Variants in EDEM2 observed in about 807,000 individuals in gnomAD.
EDEM2 encodes the protein ER degradation enhancing alpha-mannosidase like protein 2.
EDEM2 carries 39 observed loss-of-function variants against 64.8 expected under a neutral mutation model. That is an observed-to-expected ratio of 0.60 (90% confidence interval 0.47 to 0.79). EDEM2 has a LOEUF of 0.79. Ranked by LOEUF, EDEM2 falls within the 30% of genes least tolerant of loss-of-function variation. The probability of loss-of-function intolerance (pLI) is 0.00; values close to 1 mark genes in which losing one functional copy is unlikely to be tolerated. For missense variants in EDEM2, 609 were observed against 731.3 expected, an observed-to-expected ratio of 0.83 and a Z score of 1.93; for synonymous variants, 296 against 291.5, an observed-to-expected ratio of 1.02 and a Z score of -0.16.
chr20:35,143,049 C>A (rs1409069951), intron 3 of EDEM2, among the ~76,000 whole-genome samples: 1 of 152,232 alleles, frequency 6.6e-6, no homozygotes, highest in Admixed American at 6.5e-5. Context: ...AGCGACCGCA[C>A]CTGGCCAAAA....
At chr20:35,125,072 G>A (rs2085413654) in intron 8 of EDEM2, among the ~76,000 whole-genome samples, 1 of 152,146 alleles carries the variant, frequency 6.6e-6, no homozygotes, top group African/African-American at 2.4e-5. Context: ...AACAAACTTG[G>A]CACTTCCTAA....
chr20:35,136,070 C>T (rs2085572010), intron 5 of EDEM2, among the ~76,000 whole-genome samples: 1 of 152,148 alleles, frequency 6.6e-6, no homozygotes, highest in Non-Finnish European at 1.5e-5. Flanking sequence ...ACAAAGGTGT[C>T]GACACTTCCA....
chr20:35,127,729 T>C (rs888452303), intron 7 of EDEM2, among the ~76,000 whole-genome samples: 3 of 152,220 alleles, frequency 2.0e-5, no homozygotes, highest in Admixed American at 6.5e-5. Context: ...GTGAGGAGAA[T>C]ACGTTCCAAG....
In EDEM2 at chr20:35,146,839, G is replaced by C; in HGVS notation, c.204C>G (p.His68Gln). 6.2e-7 allele frequency: 1 copy of C among 1,613,990 alleles called. No individual in the cohort carries two copies. The highest frequency in any genetic ancestry group is 1.1e-5 in the South Asian group (1 of 91,058). ...GCTCGCACTACCTGCCCCAGGTGTC[G>C]TGCCCGTCACAGGTGAGAGGTCGCA... The part of the protein sequence containing the change: ...DELRPLTCDG[H>Q]DTWGSFSLTL... The change falls in exon 2 of 11, where the codon CAC (histidine) becomes CAG (glutamine). Residue 68 changes from histidine (H) to glutamine (Q), a missense_variant. His to Gln is a conservative substitution (Grantham distance 24, BLOSUM62 0). Coordinates refer to ENST00000374492, the MANE Select transcript of EDEM2 (RefSeq NM_018217.3).
chr20:35,122,451 T>C (rs1313738235), intron 9 of EDEM2, among the ~76,000 whole-genome samples: 1 of 152,242 alleles, frequency 6.6e-6, no homozygotes, highest in Non-Finnish European at 1.5e-5. Context: ...CTCAGCTCAC[T>C]GCAACTTCTA....
intron 2 of EDEM2, among the ~76,000 whole-genome samples, chr20:35,145,387 T>C (rs1280035362): frequency 1.3e-5 from 2 of 152,228 alleles, no homozygotes; most frequent in African/African-American, 4.8e-5. Flanking sequence ...GCAGTATTGC[T>C]TAGAACAGCA....
At chr20:35,146,030 T>C (rs976078501) in intron 2 of EDEM2, among the ~76,000 whole-genome samples, 2 of 150,346 alleles carry the variant, frequency 1.3e-5, no homozygotes, top group Admixed American at 6.6e-5. Flanking sequence ...AAAAAGAGTG[T>C]ATTTTATTAT....
chr20:35,125,585 C>T (rs2085421988), intron 8 of EDEM2, among the ~76,000 whole-genome samples: 1 of 151,906 alleles, frequency 6.6e-6, no homozygotes, highest in African/African-American at 2.4e-5. Flanking sequence ...GGGGTTTCAC[C>T]GTGTTAGCCA....
At chr20:35,138,371 AG>A (rs2085606107) in intron 4 of EDEM2, among the ~76,000 whole-genome samples, 1 of 151,758 alleles carries the variant, frequency 6.6e-6, no homozygotes, top group African/African-American at 2.4e-5. Context: ...GAAGATACTG[AG>A]GTTCCATGAG....
rs1054777708 is a variant in EDEM2, at chr20:35,115,528, G to A, written c.1642C>T (p.Pro548Ser). 2.5e-6 allele frequency: 4 copies of A among 1,614,030 alleles called. No homozygotes were observed. In the African/African-American group the frequency reaches 4.0e-5, roughly 16 times the overall value. ...ENHDQARERK[P>S]AKQKVPLLSC... ...AGAAGTGGGACCTTCTGTTTGGCAG[G>A]CTTCCTCTCCCTTGCCTGGTCATGG... Residue 548 changes from proline to serine, a missense_variant, in exon 11 of 11, where the codon CCT becomes TCT. Coordinates refer to ENST00000374492, the MANE Select transcript of EDEM2 (RefSeq NM_018217.3).
intron 7 of EDEM2, among the ~76,000 whole-genome samples, chr20:35,127,056 A>G (rs2085443546): frequency 6.6e-6 from 1 of 152,158 alleles, no homozygotes; most frequent in Non-Finnish European, 1.5e-5. Context: ...CGTTTCCCCC[A>G]TACTGTTCTC....
chr20:35,126,232 A>G lies in EDEM2; in HGVS notation c.969+19T>C, dbSNP rs2085430425. 1 of 1,609,256 alleles carries G rather than the reference A, an allele frequency of 6.2e-7. No homozygotes were observed. The highest frequency in any genetic ancestry group is 8.5e-7 in the Non-Finnish European group (1 of 1,178,750). On this transcript the variant is annotated intron_variant, in intron 8 of 10. Transcript: ENST00000374492. ...GCCAGACTCATAGAAAGATGATCAC[A>G]TTCTTTGATCATTCCTACCTGAAGA...
At chr20:35,138,775 GGT>G (rs1347114207) in intron 4 of EDEM2, among the ~76,000 whole-genome samples, 1 of 151,244 alleles carries the variant, frequency 6.6e-6, no homozygotes. Context: ...TTGTAGACAC[GGT>G]GTTTCACTGT....
intron 4 of EDEM2, among the ~76,000 whole-genome samples, chr20:35,138,745 A>T (rs187363537): frequency 2.4e-3 from 362 of 151,076 alleles, no homozygotes; most frequent in African/African-American, 8.5e-3. Flanking sequence ...ATGCCCGGCT[A>T]ATTTTTTTGG....
intron 5 of EDEM2, 109 bp downstream of exon 5, chr20:35,137,771 A>T (rs1329079385): frequency 1.5e-5 from 22 of 1,465,218 alleles, no homozygotes; most frequent in Non-Finnish European, 1.9e-5. Context: ...GACCAAATAC[A>T]CCTGGTGAGA....
rs1287459242 is a variant in EDEM2 at position 35,115,911 on chromosome 20, T to G, written c.1259A>C (p.Lys420Thr). The G allele has an allele frequency of 5.0e-6, 8 of 1,613,994 alleles. No individual in the cohort carries two copies. The highest frequency in any genetic ancestry group is 5.9e-6 in the Non-Finnish European group (7 of 1,179,912). The change falls in exon 11 of 11, where the codon AAG (lysine) becomes ACG (threonine). Residue 420 changes from lysine to threonine, a missense_variant. Coordinates refer to ENST00000374492, the MANE Select transcript of EDEM2 (RefSeq NM_018217.3). Reference protein sequence around the residue: ...FATIKDLRDHKLDNRMESFFL... With the variant: ...FATIKDLRDHTLDNRMESFFL... The stretch of plus-strand genomic sequence containing the variant: ...GAACGACTCCATGCGGTTGTCCAGC[T>G]TGTGGTCTCGCAGATCTTTGATCTG...
Position 35,126,257 on chromosome 20 carries a change from A to G in EDEM2, c.963T>C (p.Gly321=). 3 of 1,613,536 alleles carry G rather than the reference A, an allele frequency of 1.9e-6. No individual in the cohort carries two copies. The highest frequency in any genetic ancestry group is 2.5e-6 in the Non-Finnish European group (3 of 1,179,922). The part of the protein sequence containing the change: ...VFQSLEAYWP[G]LQSLIGDIDN... ...ATTCTTTGATCATTCCTACCTGAAG[A>G]CCAGGCCAGTAGGCCTCCAAGGACT... Residue 321 remains glycine (G), a synonymous_variant, in exon 8 of 11, where the codon GGT becomes GGC. Coordinates refer to ENST00000374492, the MANE Select transcript of EDEM2 (RefSeq NM_018217.3).
At chr20:35,143,210 C>T (rs979396869) in intron 3 of EDEM2, among the ~76,000 whole-genome samples, 2 of 152,196 alleles carry the variant, frequency 1.3e-5, no homozygotes. Flanking sequence ...CTTTCTCGGC[C>T]TCCTTTGCTG....
At chr20:35,119,170 A>G (rs2085341015) in intron 9 of EDEM2, among the ~76,000 whole-genome samples, 1 of 152,218 alleles carries the variant, frequency 6.6e-6, no homozygotes, top group Non-Finnish European at 1.5e-5. Flanking sequence ...TTTCTATCCT[A>G]ATTAAGCTAC....
Sources: allele counts gnomAD v4.1 joint callset (sites outside exome capture counted in the v4.1 genomes callset), GRCh38; gene constraint gnomAD v4.1.1; transcripts MANE v1.5; gene names NCBI Gene and HGNC (gene_info 2026-07-23, HGNC 2026-07-21).